The following NT5DC1 variants were observed in gnomAD, a reference collection of about 807,000 sequenced individuals.
NT5DC1 encodes the protein 5'-nucleotidase domain-containing protein 1.
A neutral mutation model predicts 59.4 loss-of-function variants in NT5DC1; 42 were observed. The observed-to-expected ratio is 0.71, with a 90% CI of 0.55 to 0.92. The LOEUF is 0.92. NT5DC1 is among the 40% of genes least tolerant of loss of function. The pLI is 0.00. For synonymous variants in NT5DC1, 172 were observed against 188.1 expected (o/e 0.91, Z 0.70); for missense variants, 501 against 537.1 (o/e 0.93, Z 0.66).
At chr6:116,140,014 T>C (rs1469588674) in intron 6 of NT5DC1, among the ~76,000 whole-genome samples, 1 of 152,200 alleles carries the variant, frequency 6.6e-6, no homozygotes, top group Admixed American at 6.5e-5. Context: ...ACTTACGTGA[T>C]AGATATTACC....
At chr6:116,147,454 A>T (rs1173789162) in intron 6 of NT5DC1, among the ~76,000 whole-genome samples, 1 of 152,080 alleles carries the variant, frequency 6.6e-6, no homozygotes, top group African/African-American at 2.4e-5. Flanking sequence ...AAAAGAAAAA[A>T]AAAATAAAAA....
At chr6:116,219,985 C>A (rs10223797) in intron 6 of NT5DC1, among the ~76,000 whole-genome samples, 30,419 of 71,116 alleles carry the variant, frequency 0.43, 6,635 homozygotes, top group African/African-American at 0.62. Flanking sequence ...AAAAAAAAAA[C>A]AACTCTTCTT....
intron 6 of NT5DC1, among the ~76,000 whole-genome samples, chr6:116,168,393 CTTTTAA>C (rs1780526286): frequency 6.6e-6 from 1 of 151,974 alleles, no homozygotes; most frequent in Admixed American, 6.6e-5. Context: ...ATCCATTGAG[CTTTTAA>C]TTTTGATTAC....
chr6:116,208,884 A>G (rs771426283), intron 6 of NT5DC1, among the ~76,000 whole-genome samples: 6 of 152,010 alleles, frequency 3.9e-5, no homozygotes, highest in Non-Finnish European at 7.4e-5. Context: ...GAATATACTA[A>G]TAGAGAACCC....
rs539511789 is a variant in NT5DC1 at position 116,127,701 on chromosome 6, T to C, written c.529+9756T>C. Among the ~76,000 whole-genome samples, 3 of 152,270 alleles carry C rather than the reference T, an allele frequency of 2.0e-5. No individual in the cohort carries two copies. The South Asian group carries it at 6.2e-4, about 32-fold the overall frequency. On this transcript the variant is annotated intron_variant, in intron 6 of 11. Coordinates refer to ENST00000319550, the MANE Select transcript of NT5DC1 (RefSeq NM_152729.3). ...GTTGAATTTGTTTTGAAAGGAATTATTAAAATATATATTTTAATATTTTGT... is the reference window on the plus strand; with the variant it reads ...GTTGAATTTGTTTTGAAAGGAATTACTAAAATATATATTTTAATATTTTGT...
At chr6:116,192,080 A>G (rs1409070952) in intron 6 of NT5DC1, among the ~76,000 whole-genome samples, 2 of 152,042 alleles carry the variant, frequency 1.3e-5, no homozygotes, top group African/African-American at 2.4e-5. Context: ...CATTAATATC[A>G]TGATTAAGAA....
chr6:116,130,892 G>A (rs754421029), intron 6 of NT5DC1, among the ~76,000 whole-genome samples: 99 of 151,862 alleles, frequency 6.5e-4, no homozygotes, highest in Non-Finnish European at 1.1e-3. Flanking sequence ...AAAAATATAA[G>A]CCGTTTGATT....
chr6:116,188,598 T>C (rs977867392), intron 6 of NT5DC1, among the ~76,000 whole-genome samples: 4 of 151,974 alleles, frequency 2.6e-5, no homozygotes, highest in African/African-American at 4.8e-5. Flanking sequence ...CACTAGAGCA[T>C]AATTAGGTAG....
intron 6 of NT5DC1, among the ~76,000 whole-genome samples, chr6:116,167,741 T>C (rs367728600): frequency 1.3e-5 from 2 of 152,138 alleles, no homozygotes; most frequent in South Asian, 4.2e-4. Flanking sequence ...TCAATGCCCA[T>C]GACCGTTGTT....
At chr6:116,127,881 G>A (rs1779362293) in intron 6 of NT5DC1, among the ~76,000 whole-genome samples, 1 of 152,150 alleles carries the variant, frequency 6.6e-6, no homozygotes, top group African/African-American at 2.4e-5. Context: ...TTGTTCATCT[G>A]TGGCTATTGC....
At chr6:116,125,748 A>T (rs1305154578) in intron 6 of NT5DC1, 9 of 343,020 alleles carry the variant, frequency 2.6e-5, no homozygotes. Flanking sequence ...CCTAAAGGAA[A>T]AGAAACAGAA....
intron 6 of NT5DC1, among the ~76,000 whole-genome samples, chr6:116,156,462 AAGGGAT>A (rs1780196135): frequency 6.6e-6 from 1 of 152,166 alleles, no homozygotes; most frequent in African/African-American, 2.4e-5. Context: ...TCTGCCTCAT[AAGGGAT>A]TACTATGCTG....
At chr6:116,118,410 C>G (rs1382685064) in intron 6 of NT5DC1, among the ~76,000 whole-genome samples, 2 of 152,148 alleles carry the variant, frequency 1.3e-5, no homozygotes, top group African/African-American at 4.8e-5. Flanking sequence ...TTTACCTTTC[C>G]AATCACAGCT....
At chr6:116,155,603 A>G (rs1267756044) in intron 6 of NT5DC1, among the ~76,000 whole-genome samples, 4 of 152,178 alleles carry the variant, frequency 2.6e-5, no homozygotes, top group Non-Finnish European at 5.9e-5. Flanking sequence ...AGTATTCTGC[A>G]GGTCAATGAA....
At position 116,165,075 on chromosome 6, in the gene NT5DC1, C is replaced by T. The variant is rs139938543; in HGVS notation, c.529+47130C>T. 7.6e-3 allele frequency among the ~76,000 whole-genome samples: 978 copies of T among 129,008 alleles called. 11 individuals are homozygous for T. Among genetic ancestry groups the T allele is most frequent in the African/African-American group, 0.026 (824 of 31,638 alleles). The allele number at this position is 129,008 out of a possible 152,430, so 84.6% of individuals were successfully genotyped here. On this transcript the variant is annotated intron_variant, in intron 6 of 11. Coordinates refer to ENST00000319550, the MANE Select transcript of NT5DC1 (RefSeq NM_152729.3). ...TTGCACCACTGCGCTTCAGTCTAGG[C>T]GACAGAGCGAGACTCCGTCTCAGAA...
chr6:116,120,268 C>T, intron 6 of NT5DC1: 1 of 1,614,188 alleles, frequency 6.2e-7, no homozygotes, highest in Non-Finnish European at 8.5e-7. Context: ...GGGTGCCATT[C>T]TTATACAGGC....
intron 6 of NT5DC1, among the ~76,000 whole-genome samples, chr6:116,185,828 T>G (rs1780982595): frequency 6.6e-6 from 1 of 152,134 alleles, no homozygotes; most frequent in African/African-American, 2.4e-5. Flanking sequence ...TCTGTCATTC[T>G]GTATCTTTTA....
At chr6:116,158,663 A>G (rs112657018) in intron 6 of NT5DC1, 36 of 152,302 alleles carry the variant, frequency 2.4e-4, no homozygotes, top group African/African-American at 8.7e-4. Context: ...CTGCTCTTTA[A>G]AAGTCACTAC....
intron 9 of NT5DC1, among the ~76,000 whole-genome samples, chr6:116,237,891 G>A (rs1271643184): frequency 6.6e-6 from 1 of 152,174 alleles, no homozygotes; most frequent in Non-Finnish European, 1.5e-5. Context: ...AAACATCTAT[G>A]TAAACATATA....
Sources: allele counts gnomAD v4.1 joint callset (sites outside exome capture counted in the v4.1 genomes callset), GRCh38; gene constraint gnomAD v4.1.1; transcripts MANE v1.5; gene names NCBI Gene and HGNC (gene_info 2026-07-23, HGNC 2026-07-21).